The following GNS variants were observed in gnomAD, a reference collection of about 807,000 sequenced individuals.
GNS encodes glucosamine (N-acetyl)-6-sulfatase.
A neutral mutation model predicts 69.7 loss-of-function variants in GNS; 40 were observed. The ratio of observed to expected loss-of-function variants is 0.57; its 90% confidence interval spans 0.45 to 0.75. The LOEUF (loss-of-function observed/expected upper bound fraction) is 0.75, where lower values mean the gene tolerates loss of function less well. Ranked by LOEUF, GNS falls within the 30% of genes least tolerant of loss-of-function variation. The pLI is 0.00. For missense variants in GNS, 565 were observed against 685.5 expected (o/e 0.82, Z 1.96); for synonymous variants, 243 against 251.6 (o/e 0.97, Z 0.32).
At chr12:64,745,454 A>G (rs1869870771) in intron 4 of GNS, among the ~76,000 whole-genome samples, 3 of 152,046 alleles carry the variant, frequency 2.0e-5, no homozygotes, top group African/African-American at 7.2e-5. Flanking sequence ...TCCTGAACTC[A>G]AGAGATCCTC....
chr12:64,757,678 G>A (rs1316505387), intron 1 of GNS, among the ~76,000 whole-genome samples: 1 of 152,182 alleles, frequency 6.6e-6, no homozygotes, highest in East Asian at 1.9e-4. Context: ...CGGGAAGAAA[G>A]AGAGATAGAT....
intron 13 of GNS, among the ~76,000 whole-genome samples, chr12:64,719,383 G>C (rs535135): frequency 0.85 from 129,715 of 152,212 alleles, 55,619 homozygotes; most frequent in African/African-American, 0.95. Flanking sequence ...AAATGACAAG[G>C]TTCCTGCCAC....
Position 64,739,588 on chromosome 12 carries a change from A to C in GNS, c.876-89T>G, listed in dbSNP as rs527641192. ...CCAAAAAAAAAAAAAACCAAAAACA[A>C]AAACAAAGACACCCCCGTTTAAAAA... On this transcript the variant is annotated intron_variant, in intron 7 of 13. Transcript: ENST00000258145. 74 of 713,750 alleles carry C rather than the reference A, an allele frequency of 1.0e-4. No homozygotes were observed. In the African/African-American group the frequency reaches 1.2e-3, roughly 12 times the overall value. The allele number at this position is 713,750 out of a possible 1,614,324, so 44.2% of individuals were successfully genotyped here. A position where few individuals can be genotyped will look rare whatever the true frequency, so the allele number is the denominator to read the frequency against.
chr12:64,736,448 G>C (rs1311483879), intron 9 of GNS, among the ~76,000 whole-genome samples: 1 of 152,194 alleles, frequency 6.6e-6, no homozygotes, highest in Non-Finnish European at 1.5e-5. Flanking sequence ...CATCACCCGG[G>C]AGCTGATCAG....
intron 9 of GNS, among the ~76,000 whole-genome samples, chr12:64,732,153 AT>A (rs1210247666): frequency 0.012 from 1,091 of 88,718 alleles, 51 homozygotes; most frequent in African/African-American, 0.045. Flanking sequence ...CACCTGGCTA[AT>A]TTTTTTTTTT....
intron 11 of GNS, among the ~76,000 whole-genome samples, chr12:64,722,162 C>T (rs922268257): frequency 1.3e-5 from 2 of 152,044 alleles, no homozygotes; most frequent in African/African-American, 4.8e-5. Context: ...GTAGCACAGG[C>T]ATGCACCACC....
At chr12:64,751,920 C>T (rs1363446856) in intron 2 of GNS, among the ~76,000 whole-genome samples, 27 of 137,028 alleles carry the variant, frequency 2.0e-4, no homozygotes, top group Middle Eastern at 4.3e-3. Flanking sequence ...CCCCAGAGGC[C>T]GAGGTTGCAG....
chr12:64,744,346 C>T (rs955710180), intron 5 of GNS, among the ~76,000 whole-genome samples: 8 of 152,140 alleles, frequency 5.3e-5, no homozygotes, highest in South Asian at 2.1e-4. Context: ...TCATTAGAAA[C>T]GCCTCAGAAT....
At chr12:64,739,790 T>C (rs1048784219) in intron 7 of GNS, among the ~76,000 whole-genome samples, 2 of 152,242 alleles carry the variant, frequency 1.3e-5, no homozygotes, top group African/African-American at 4.8e-5. Context: ...TAAACTCGTT[T>C]TTAAATAACC....
chr12:64,758,164 C>G (rs1232841165), intron 1 of GNS, among the ~76,000 whole-genome samples: 1 of 152,100 alleles, frequency 6.6e-6, no homozygotes, highest in Non-Finnish European at 1.5e-5. Flanking sequence ...TGACAACACC[C>G]ATTAGATAGA....
At chr12:64,754,386 G>A (rs1187907099) in intron 1 of GNS, among the ~76,000 whole-genome samples, 2 of 152,180 alleles carry the variant, frequency 1.3e-5, no homozygotes, top group South Asian at 2.1e-4. Flanking sequence ...AGAGCCATGC[G>A]ATGAGGAGTC....
At chr12:64,744,678 G>T in intron 5 of GNS, 131 bp downstream of exon 5, 1 of 694,192 alleles carries the variant, frequency 1.4e-6, no homozygotes. Context: ...CTCTTGGGCA[G>T]TTAGACCAAG....
chr12:64,721,927 C>T (rs1234242546), intron 11 of GNS, among the ~76,000 whole-genome samples: 1 of 152,152 alleles, frequency 6.6e-6, no homozygotes, highest in African/African-American at 2.4e-5. Flanking sequence ...TAGACTGTTG[C>T]CATCCTTGTC....
At chr12:64,752,823 T>C (rs1870121748) in intron 1 of GNS, 66 bp from the exon 2 acceptor site, 1 of 834,950 alleles carries the variant, frequency 1.2e-6, no homozygotes, top group Non-Finnish European at 2.1e-6. Context: ...CAGCCCAGAA[T>C]TCCTGTTTTG....
At chr12:64,737,405 A>G (rs1869589127) in intron 8 of GNS, among the ~76,000 whole-genome samples, 3 of 152,200 alleles carry the variant, frequency 2.0e-5, no homozygotes, top group African/African-American at 7.2e-5. Flanking sequence ...TATGCATGCT[A>G]CTCAGCCTCA....
At chr12:64,742,320 A>G (rs553397840) in intron 6 of GNS, among the ~76,000 whole-genome samples, 36 of 152,312 alleles carry the variant, frequency 2.4e-4, no homozygotes, top group African/African-American at 8.4e-4. Context: ...GCGCCCGGCC[A>G]GTACTCTAAT....
chr12:64,729,550 AAT>A (rs1869317893), intron 9 of GNS, among the ~76,000 whole-genome samples: 1 of 152,246 alleles, frequency 6.6e-6, no homozygotes, highest in Non-Finnish European at 1.5e-5. Flanking sequence ...ACACTGCCAA[AAT>A]ATGTTTGCAA....
intron 10 of GNS, among the ~76,000 whole-genome samples, chr12:64,724,073 T>C (rs1457692219): frequency 6.6e-6 from 1 of 152,184 alleles, no homozygotes; most frequent in African/African-American, 2.4e-5. Flanking sequence ...AAGCTGCTCT[T>C]AAAATGGTCA....
chr12:64,744,360 A>G (rs968511886), intron 5 of GNS, among the ~76,000 whole-genome samples: 10 of 152,320 alleles, frequency 6.6e-5, no homozygotes, highest in Middle Eastern at 3.4e-3. Flanking sequence ...TCAGAATAGG[A>G]AAGTCCCAAT....
Sources: allele counts gnomAD v4.1 joint callset (sites outside exome capture counted in the v4.1 genomes callset), GRCh38; gene constraint gnomAD v4.1.1; transcripts MANE v1.5; gene names NCBI Gene and HGNC (gene_info 2026-07-23, HGNC 2026-07-21).